Variants in TNIK observed in about 807,000 individuals in gnomAD.
TNIK encodes TRAF2 and NCK interacting kinase, also known as TRAF2 and NCK-interacting protein kinase.
TNIK carries 49 observed loss-of-function variants against 191.3 expected under a neutral mutation model. That is an observed-to-expected ratio of 0.26 (90% CI 0.20 to 0.32). The LOEUF is 0.32. TNIK is among the 10% of genes least tolerant of loss of function. The pLI is 1.00. For missense variants in TNIK, 1,155 were observed against 1,702.3 expected (o/e 0.68, Z 5.66); for synonymous variants, 594 against 600.9 (o/e 0.99, Z 0.17).
At chr3:171,198,783 T>A (rs1445640362) in intron 4 of TNIK, among the ~76,000 whole-genome samples, 1 of 152,188 alleles carries the variant, frequency 6.6e-6, no homozygotes, top group Non-Finnish European at 1.5e-5. Flanking sequence ...CAGGGTTCAA[T>A]GCCAGCAGGA....
At chr3:171,380,163 A>G (rs961510462) in intron 1 of TNIK, among the ~76,000 whole-genome samples, 1 of 152,068 alleles carries the variant, frequency 6.6e-6, no homozygotes, top group Non-Finnish European at 1.5e-5. Flanking sequence ...GAGATTATAC[A>G]GCTGTTTGGG....
chr3:171,403,735 A>C (rs567560828), intron 1 of TNIK, among the ~76,000 whole-genome samples: 181 of 148,618 alleles, frequency 1.2e-3, no homozygotes, highest in Middle Eastern at 3.4e-3. Context: ...GGAGATGGAG[A>C]ATAATGGAGA....
At chr3:171,287,711 C>T (rs1348381660) in intron 2 of TNIK, among the ~76,000 whole-genome samples, 1 of 152,172 alleles carries the variant, frequency 6.6e-6, no homozygotes, top group Non-Finnish European at 1.5e-5. Flanking sequence ...ATTTACAGTA[C>T]TGACAAAACT....
rs374970622 is a variant in TNIK, at chr3:171,328,756, A to G, written c.123+40864T>C. 7.6e-4 allele frequency among the ~76,000 whole-genome samples: 115 copies of G among 152,212 alleles called. 3 individuals are homozygous for G. The South Asian group carries it at 0.022, about 29-fold the overall frequency. The stretch of plus-strand genomic sequence containing the variant: ...AATATGTAAATGAAACTGGCTCCCC[A>G]CCCTCTCCAGTGTGGGGGTGGATTC... On this transcript the variant is annotated intron_variant, in intron 2 of 32. Coordinates refer to ENST00000436636, the MANE Select transcript of TNIK (RefSeq NM_015028.4).
chr3:171,420,403 C>T (rs1014551568), intron 1 of TNIK, among the ~76,000 whole-genome samples: 1 of 152,124 alleles, frequency 6.6e-6, no homozygotes, highest in African/African-American at 2.4e-5. Context: ...AAGGTAGGCC[C>T]ACCTCTCCAG....
chr3:171,101,009 T>C (rs1279124133), intron 22 of TNIK, among the ~76,000 whole-genome samples: 1 of 152,168 alleles, frequency 6.6e-6, no homozygotes, highest in Admixed American at 6.5e-5. Flanking sequence ...TGCTGGCTTG[T>C]GCATTTCTCC....
At chr3:171,213,980 G>T (rs1464336687) in intron 3 of TNIK, among the ~76,000 whole-genome samples, 5 of 151,958 alleles carry the variant, frequency 3.3e-5, no homozygotes, top group African/African-American at 1.2e-4. Flanking sequence ...AAATAAAAGG[G>T]CAGGAAGGCC....
Position 171,338,034 on chromosome 3 carries a change from G to A in TNIK, c.123+31586C>T, listed in dbSNP as rs146985028. 7.0e-3 allele frequency among the ~76,000 whole-genome samples: 1,064 copies of A among 152,214 alleles called. 6 individuals are homozygous for A. Among genetic ancestry groups the A allele is most frequent in the Non-Finnish European group, 0.012 (808 of 67,998 alleles). On this transcript the variant is annotated intron_variant, in intron 2 of 32. Coordinates refer to ENST00000436636, the MANE Select transcript of TNIK (RefSeq NM_015028.4). ...TATTTAGCAGCTTAATCGAAACTACGTACCTTTGAATCTCTTAATTTTACC... is the reference window on the plus strand; with the variant it reads ...TATTTAGCAGCTTAATCGAAACTACATACCTTTGAATCTCTTAATTTTACC...
intron 2 of TNIK, among the ~76,000 whole-genome samples, chr3:171,354,927 C>G (rs1409921236): frequency 6.6e-6 from 1 of 152,148 alleles, no homozygotes; most frequent in Non-Finnish European, 1.5e-5. Flanking sequence ...AAAGAGCGTT[C>G]TGTTTTCAAT....
intron 1 of TNIK, among the ~76,000 whole-genome samples, chr3:171,383,658 A>G (rs370589330): frequency 6.6e-5 from 10 of 152,356 alleles, no homozygotes; most frequent in African/African-American, 2.4e-4. Flanking sequence ...AAAAATTTGG[A>G]AAGGGAGGAA....
chr3:171,225,633 C>T (rs954202598), intron 3 of TNIK: 7 of 456,164 alleles, frequency 1.5e-5, no homozygotes, highest in African/African-American at 1.2e-4. Context: ...GACTAACTGA[C>T]ATTCCTTAAG....
intron 2 of TNIK, among the ~76,000 whole-genome samples, chr3:171,356,508 A>G (rs1425743003): frequency 1.3e-5 from 2 of 152,224 alleles, no homozygotes; most frequent in Non-Finnish European, 2.9e-5. Flanking sequence ...GAGAAGCACT[A>G]TATATTGAAA....
chr3:171,120,588 G>A (rs1340468243), intron 18 of TNIK, among the ~76,000 whole-genome samples: 2 of 152,020 alleles, frequency 1.3e-5, no homozygotes, highest in African/African-American at 4.8e-5. Flanking sequence ...CAAAGTGCTG[G>A]GATTACAGGT....
At chr3:171,166,811 A>T in intron 10 of TNIK, among the ~76,000 whole-genome samples, 1 of 152,340 alleles carries the variant, frequency 6.6e-6, no homozygotes. Flanking sequence ...GAATTAAGAA[A>T]ATCACTTGTC....
intron 2 of TNIK, among the ~76,000 whole-genome samples, chr3:171,318,453 G>A (rs2108324145): frequency 6.6e-6 from 1 of 152,138 alleles, no homozygotes; most frequent in South Asian, 2.1e-4. Context: ...GAAAATCTTG[G>A]AGAAATTCAA....
chr3:171,114,265 A>C (rs904351409), intron 18 of TNIK, among the ~76,000 whole-genome samples: 1 of 152,176 alleles, frequency 6.6e-6, no homozygotes, highest in South Asian at 2.1e-4. Flanking sequence ...TCATACAGCT[A>C]TGATTTTAAT....
At chr3:171,103,910 A>AGTG (rs1724091753) in intron 21 of TNIK, among the ~76,000 whole-genome samples, 1 of 152,122 alleles carries the variant, frequency 6.6e-6, no homozygotes, top group African/African-American at 2.4e-5. Flanking sequence ...CTGATTTAAA[A>AGTG]AAACTTTCAC....
intron 2 of TNIK, among the ~76,000 whole-genome samples, chr3:171,240,881 AGCGGCTTCT>A (rs979145373): frequency 4.6e-5 from 7 of 152,148 alleles, no homozygotes; most frequent in Admixed American, 3.9e-4. Context: ...TCTTGAGGGC[AGCGGCTTCT>A]CTTTGTCTTG....
chr3:171,073,177 G>A (rs1719421469), intron 28 of TNIK, among the ~76,000 whole-genome samples: 2 of 151,994 alleles, frequency 1.3e-5, no homozygotes, highest in Admixed American at 6.6e-5. Flanking sequence ...AACCAAAGAA[G>A]CATGTTACTG....
Sources: gnomAD v4.1 joint callset for allele counts (sites outside exome capture counted in the v4.1 genomes callset) on GRCh38, gnomAD v4.1.1 for gene constraint, MANE v1.5 for transcripts, NCBI Gene and HGNC (gene_info 2026-07-23, HGNC 2026-07-21) for gene names.